NXPE2: variants seen among roughly 807,000 people sequenced by gnomAD.
NXPE2 encodes the protein NXPE family member 2.
NXPE2 carries 34 observed loss-of-function variants against 34.4 expected under a neutral mutation model. That is an observed-to-expected ratio of 0.99 (90% CI 0.75 to 1.31). NXPE2 has a LOEUF of 1.31. Among genes scored for constraint, NXPE2 ranks in the 40% most tolerant of loss-of-function variants. The pLI, the probability that NXPE2 is intolerant of heterozygous loss-of-function variation, is 0.00. For synonymous variants in NXPE2, 235 were observed against 231.3 expected (o/e 1.02, Z -0.15); for missense variants, 649 against 672.5 (o/e 0.97, Z 0.39).
chr11:114,532,838 G>C, the NXPE2 span, among the ~76,000 whole-genome samples: 7 of 152,064 alleles, frequency 4.6e-5, no homozygotes, highest in African/African-American at 1.4e-4. Flanking sequence ...AATGGTTCTA[G>C]AGTGAAAAAT....
At chr11:114,769,121 A>T in the NXPE2 span, among the ~76,000 whole-genome samples, 5 of 152,144 alleles carry the variant, frequency 3.3e-5, no homozygotes, top group Non-Finnish European at 5.9e-5. Context: ...AAGAAAAAAA[A>T]ACAACCCCAT....
the NXPE2 span, among the ~76,000 whole-genome samples, chr11:114,668,147 C>G: frequency 6.7e-6 from 1 of 150,026 alleles, no homozygotes; most frequent in East Asian, 2.0e-4. Flanking sequence ...GCTATTGGCT[C>G]TCAACTCCAA....
At chr11:114,742,982 G>C in the NXPE2 span, among the ~76,000 whole-genome samples, 1 of 152,070 alleles carries the variant, frequency 6.6e-6, no homozygotes, top group Non-Finnish European at 1.5e-5. Context: ...ACCTTTTGCT[G>C]CTTTTATTTG....
chr11:114,529,900 T>C, the NXPE2 span: 2 of 366,718 alleles, frequency 5.5e-6, no homozygotes, highest in South Asian at 6.7e-5. Flanking sequence ...AGCATGGATG[T>C]TATCATACAC....
At chr11:114,745,969 A>G in the NXPE2 span, among the ~76,000 whole-genome samples, 1 of 152,124 alleles carries the variant, frequency 6.6e-6, no homozygotes, top group African/African-American at 2.4e-5. Flanking sequence ...TGTAATACTC[A>G]TATTTAAATA....
chr11:114,474,888 C>G, the NXPE2 span, among the ~76,000 whole-genome samples: 1 of 152,062 alleles, frequency 6.6e-6, no homozygotes, highest in African/African-American at 2.4e-5. Flanking sequence ...TCTTCAAAAT[C>G]AATGGGAAGG....
the NXPE2 span, among the ~76,000 whole-genome samples, chr11:114,546,750 C>A: frequency 6.6e-6 from 1 of 151,986 alleles, no homozygotes; most frequent in Non-Finnish European, 1.5e-5. Flanking sequence ...GATTCTAGGG[C>A]TGGGGCAGGG....
chr11:114,656,770 A>C, the NXPE2 span, among the ~76,000 whole-genome samples: 1 of 152,164 alleles, frequency 6.6e-6, no homozygotes, highest in Non-Finnish European at 1.5e-5. Context: ...CTTGATATTT[A>C]TTATAAAATA....
At chr11:114,802,487 A>G in the NXPE2 span, among the ~76,000 whole-genome samples, 1 of 152,244 alleles carries the variant, frequency 6.6e-6, no homozygotes, top group East Asian at 1.9e-4. Context: ...ACAGGCCAGG[A>G]GAACAGAATA....
chr11:114,526,166 A>C, the NXPE2 span, among the ~76,000 whole-genome samples: 2 of 152,162 alleles, frequency 1.3e-5, no homozygotes, highest in South Asian at 4.1e-4. Flanking sequence ...AACCTGGAAT[A>C]AGCAAAGGAA....
At chr11:114,525,358 A>G in the NXPE2 span, among the ~76,000 whole-genome samples, 1 of 152,004 alleles carries the variant, frequency 6.6e-6, no homozygotes, top group African/African-American at 2.4e-5. Context: ...AAACCTGTGA[A>G]TATGTTGAAG....
chr11:114,487,954 C>A, the NXPE2 span, among the ~76,000 whole-genome samples: 17 of 152,072 alleles, frequency 1.1e-4, no homozygotes, highest in Admixed American at 1.1e-3. Flanking sequence ...GTGATATTGA[C>A]CTTTAGCTTT....
At chr11:114,627,014 C>G in the NXPE2 span, among the ~76,000 whole-genome samples, 3 of 151,954 alleles carry the variant, frequency 2.0e-5, no homozygotes, top group Non-Finnish European at 4.4e-5. Context: ...AAATATGGGA[C>G]TATGTGACAA....
At chr11:114,609,354 A>G in the NXPE2 span, among the ~76,000 whole-genome samples, 8 of 150,354 alleles carry the variant, frequency 5.3e-5, no homozygotes, top group East Asian at 6.0e-4. Flanking sequence ...GTAATGTCTC[A>G]TTGGTAACCA....
the NXPE2 span, among the ~76,000 whole-genome samples, chr11:114,537,792 A>C: frequency 3.3e-5 from 5 of 152,012 alleles, no homozygotes; most frequent in Non-Finnish European, 7.4e-5. Context: ...GGATACAAAC[A>C]AATGGAAGAA....
chr11:114,612,932 G>A, the NXPE2 span, among the ~76,000 whole-genome samples: 16 of 151,472 alleles, frequency 1.1e-4, no homozygotes, highest in African/African-American at 2.2e-4. Context: ...TTGTTGCATC[G>A]CATGTATCCA....
At chr11:114,594,604 C>T in the NXPE2 span, 1 of 1,073,972 alleles carries the variant, frequency 9.3e-7, no homozygotes, top group African/African-American at 1.6e-5. Context: ...TTTCCTAGAA[C>T]AGATGAGGTA....
At chr11:114,790,987 G>A in the NXPE2 span, among the ~76,000 whole-genome samples, 1 of 151,416 alleles carries the variant, frequency 6.6e-6, no homozygotes, top group East Asian at 1.9e-4. Flanking sequence ...AATCTTTAAG[G>A]AGGCGTATCT....
chr11:114,526,336 A>G, the NXPE2 span, among the ~76,000 whole-genome samples: 1 of 152,232 alleles, frequency 6.6e-6, no homozygotes, highest in African/African-American at 2.4e-5. Context: ...AAAATGATAC[A>G]TAGACAACTG....
Sources: allele counts gnomAD v4.1 joint callset (sites outside exome capture counted in the v4.1 genomes callset), GRCh38; gene constraint gnomAD v4.1.1; transcripts MANE v1.5; gene names NCBI Gene and HGNC (gene_info 2026-07-23, HGNC 2026-07-21).